The following MYT1L variants were observed in gnomAD, a reference collection of about 807,000 sequenced individuals.
The protein encoded by MYT1L is myelin transcription factor 1 like, also known as myelin transcription factor 1-like protein.
A neutral mutation model predicts 126.7 loss-of-function variants in MYT1L; 12 were observed. The observed-to-expected ratio is 0.09, with a 90% CI of 0.06 to 0.15. MYT1L has a LOEUF of 0.15. MYT1L is among the 10% of genes least tolerant of loss of function. The probability of loss-of-function intolerance (pLI) is 1.00; values close to 1 mark genes in which losing one functional copy is unlikely to be tolerated. For synonymous variants in MYT1L, 541 were observed against 604.2 expected (o/e 0.90, Z 1.53); for missense variants, 979 against 1,585.2 (o/e 0.62, Z 6.49).
intron 2 of MYT1L, among the ~76,000 whole-genome samples, chr2:2,174,668 T>C (rs1181721696): frequency 1.3e-5 from 2 of 151,494 alleles, no homozygotes; most frequent in African/African-American, 4.9e-5. Context: ...GGGTCCCTAC[T>C]TCCTCAATCA....
At chr2:2,248,096 T>C (rs549665642) in intron 2 of MYT1L, among the ~76,000 whole-genome samples, 77 of 151,774 alleles carry the variant, frequency 5.1e-4, no homozygotes, top group African/African-American at 1.8e-3. Context: ...AATGAAACTG[T>C]TTTTTTAAAA....
At chr2:2,122,755 C>T (rs1247003395) in intron 3 of MYT1L, among the ~76,000 whole-genome samples, 1 of 151,940 alleles carries the variant, frequency 6.6e-6, no homozygotes. Flanking sequence ...ACTGTCCTTC[C>T]GCATCAGTGG....
intron 8 of MYT1L, among the ~76,000 whole-genome samples, chr2:1,952,983 C>A (rs1370143322): frequency 9.1e-6 from 1 of 109,660 alleles, no homozygotes; most frequent in Non-Finnish European, 1.9e-5. Flanking sequence ...TCCTTCCTTT[C>A]TCTTTCTTTC....
At position 1,789,249 on chromosome 2, in the gene MYT1L, A is replaced by G. The variant is rs981723855; in HGVS notation, c.*2618T>C. 5 of 152,262 alleles carry G rather than the reference A, an allele frequency of 3.3e-5. No homozygotes were observed. In the East Asian group the frequency reaches 5.8e-4, roughly 18 times the overall value. 9.4% of individuals were successfully genotyped at this position (152,262 alleles called of 1,614,324 possible). A position where few individuals can be genotyped will look rare whatever the true frequency, so the allele number is the denominator to read the frequency against. On this transcript the variant is annotated 3_prime_UTR_variant, in exon 25 of 25. Coordinates refer to ENST00000647738, the MANE Select transcript of MYT1L (RefSeq NM_001303052.2). ...ATCACAGCAACTTGTGATTCCACACATTTATAGCAAAATTAAAGTGTCAAC... is the reference window on the plus strand; with the variant it reads ...ATCACAGCAACTTGTGATTCCACACGTTTATAGCAAAATTAAAGTGTCAAC...
intron 2 of MYT1L, among the ~76,000 whole-genome samples, chr2:2,206,410 G>A (rs1476889321): frequency 1.3e-5 from 2 of 152,140 alleles, no homozygotes; most frequent in East Asian, 1.9e-4. Flanking sequence ...TTGATAAAAC[G>A]TCCATGATAT....
At chr2:1,967,563 A>G (rs1343060879) in intron 8 of MYT1L, among the ~76,000 whole-genome samples, 3 of 152,192 alleles carry the variant, frequency 2.0e-5, no homozygotes, top group African/African-American at 7.2e-5. Flanking sequence ...TTCTCTGCCA[A>G]AACCATACTG....
chr2:2,004,173 G>T (rs141156743), intron 4 of MYT1L, among the ~76,000 whole-genome samples: 3 of 148,352 alleles, frequency 2.0e-5, no homozygotes, highest in Non-Finnish European at 4.5e-5. Context: ...CTTCTTTCCT[G>T]CGTGCCTCCT....
chr2:1,794,683 C>G (rs1163413212), intron 23 of MYT1L, among the ~76,000 whole-genome samples: 1 of 152,186 alleles, frequency 6.6e-6, no homozygotes, highest in African/African-American at 2.4e-5. Flanking sequence ...GCAGAGATAT[C>G]TTCCTATGTT....
At chr2:2,146,234 A>G (rs1408512554) in intron 3 of MYT1L, among the ~76,000 whole-genome samples, 2 of 152,228 alleles carry the variant, frequency 1.3e-5, no homozygotes, top group East Asian at 3.8e-4. Context: ...TTTTTCTTTT[A>G]AAAATGAAGA....
intron 8 of MYT1L, among the ~76,000 whole-genome samples, chr2:1,957,181 G>A (rs1025630991): frequency 1.3e-5 from 2 of 152,190 alleles, no homozygotes; most frequent in Non-Finnish European, 2.9e-5. Context: ...GTGAGGCCAT[G>A]AGATGTGAGT....
chr2:1,914,694 C>T (rs564502111), intron 11 of MYT1L, among the ~76,000 whole-genome samples: 1 of 152,152 alleles, frequency 6.6e-6, no homozygotes, highest in African/African-American at 2.4e-5. Context: ...TCGGCCCTGG[C>T]GTCCTTAAGT....
At chr2:2,006,049 T>C (rs2063292128) in intron 4 of MYT1L, among the ~76,000 whole-genome samples, 1 of 150,574 alleles carries the variant, frequency 6.6e-6, no homozygotes, top group African/African-American at 2.5e-5. Flanking sequence ...TGTTCTTTCC[T>C]GCATGCATTC....
chr2:1,821,123 C>T (rs1001506154), intron 21 of MYT1L, among the ~76,000 whole-genome samples: 9 of 152,120 alleles, frequency 5.9e-5, no homozygotes, highest in Admixed American at 2.0e-4. Context: ...GAGCCCCGGA[C>T]GACATAGAAC....
At position 1,979,124 on chromosome 2, in the gene MYT1L, C is replaced by T; in HGVS notation, c.152+41G>A. ...CAGGACTGGGTCCCCAAATAAGTCA[C>T]TTTAGACAGCACATTGTGGAAAAAA... On this transcript the variant is annotated intron_variant, in intron 8 of 24. Transcript: ENST00000647738. The surrounding 1 kb of genome is among the most constrained non-coding windows in gnomAD (Gnocchi z 4.0). The T allele has an allele frequency of 6.4e-7, 1 of 1,563,122 alleles. No individual in the cohort carries two copies. Among genetic ancestry groups the T allele is most frequent in the Non-Finnish European group, 8.8e-7 (1 of 1,142,272 alleles).
chr2:2,320,276 G>A (rs545752578), intron 1 of MYT1L, among the ~76,000 whole-genome samples: 1 of 152,140 alleles, frequency 6.6e-6, no homozygotes, highest in African/African-American at 2.4e-5. Context: ...GGTGTTGGCA[G>A]TGTGTCAAGC....
chr2:1,884,810 C>T (rs1211262851), intron 18 of MYT1L, among the ~76,000 whole-genome samples: 2 of 152,212 alleles, frequency 1.3e-5, no homozygotes, highest in African/African-American at 4.8e-5. Context: ...GGAGGGGCTG[C>T]CCATGCGCAC....
At chr2:2,309,685 T>G (rs1559630862) in intron 1 of MYT1L, among the ~76,000 whole-genome samples, 1 of 151,544 alleles carries the variant, frequency 6.6e-6, no homozygotes, top group Non-Finnish European at 1.5e-5. Context: ...TCACCTAAAC[T>G]TTACTCTTCT....
chr2:2,298,793 G>A (rs970246178), intron 1 of MYT1L, among the ~76,000 whole-genome samples: 3 of 152,146 alleles, frequency 2.0e-5, no homozygotes, highest in East Asian at 1.9e-4. Context: ...CACACGTCCC[G>A]CAGTGCTCAG....
At chr2:2,161,686 T>C (rs960588481) in intron 3 of MYT1L, among the ~76,000 whole-genome samples, 3 of 152,176 alleles carry the variant, frequency 2.0e-5, no homozygotes, top group Non-Finnish European at 2.9e-5. Flanking sequence ...TATGCGGCAA[T>C]AGAGCAAGAT....
Sources: allele counts gnomAD v4.1 joint callset (sites outside exome capture counted in the v4.1 genomes callset), GRCh38; gene constraint gnomAD v4.1.1; non-coding constraint Gnocchi (gnomAD v3.1); transcripts MANE v1.5; gene names NCBI Gene and HGNC (gene_info 2026-07-23, HGNC 2026-07-21).